Variants in HKDC1 observed in about 807,000 individuals in gnomAD.
HKDC1 encodes the protein hexokinase HKDC1.
In HKDC1, 66 loss-of-function variants were observed where a neutral mutation model predicts 96.6. The observed-to-expected ratio is 0.68, with a 90% CI of 0.56 to 0.84. The LOEUF is 0.84. HKDC1 is among the 40% of genes least tolerant of loss of function. HKDC1 has a pLI of 0.00. For synonymous variants in HKDC1, 466 were observed against 473.1 expected (o/e 0.98, Z 0.20); for missense variants, 1,211 against 1,208.1 (o/e 1.00, Z -0.04).
chr10:69,253,831 C>T (rs1441943110), intron 12 of HKDC1, among the ~76,000 whole-genome samples: 2 of 152,206 alleles, frequency 1.3e-5, no homozygotes, highest in East Asian at 3.8e-4. Context: ...GCTTCACAGA[C>T]AGACTCACCA....
In HKDC1 at chr10:69,265,629, T is replaced by C. The variant is rs1279145982; in HGVS notation, c.2417T>C (p.Leu806Pro). 2 of 1,613,792 alleles carry C rather than the reference T, an allele frequency of 1.2e-6. No homozygotes were observed. Among genetic ancestry groups the C allele is most frequent in the Non-Finnish European group, 1.7e-6 (2 of 1,179,890 alleles). Residue 806 changes from leucine to proline, a missense_variant, in exon 17 of 18, where the codon CTG (leucine) becomes CCG (proline). Physicochemically the swap from Leu to Pro is moderately conservative, Grantham distance 98. Coordinates refer to ENST00000354624, the MANE Select transcript of HKDC1 (RefSeq NM_025130.4). ...CAGGTCAGGAGGATTCTGCAGCAGC[T>C]GGGCCTGGACAGCACGTGTGAGGAC... Reference protein sequence around the residue: ...LLQVRRILQQLGLDSTCEDSI... With the variant: ...LLQVRRILQQPGLDSTCEDSI...
intron 16 of HKDC1, 59 bp from the exon 17 acceptor site, chr10:69,265,526 C>T: frequency 6.8e-7 from 1 of 1,468,606 alleles, no homozygotes; most frequent in Non-Finnish European, 9.5e-7. Flanking sequence ...GTGGGTCACA[C>T]TGGGCACATC....
At chr10:69,251,017 CAG>C (rs1843633883) in intron 12 of HKDC1, among the ~76,000 whole-genome samples, 1 of 150,464 alleles carries the variant, frequency 6.6e-6, no homozygotes, top group Non-Finnish European at 1.5e-5. Context: ...GCCATGTAAA[CAG>C]GGAATTACAA....
At chr10:69,251,279 A>G (rs1190141001) in intron 12 of HKDC1, among the ~76,000 whole-genome samples, 1 of 151,694 alleles carries the variant, frequency 6.6e-6, no homozygotes, top group Admixed American at 6.6e-5. Flanking sequence ...TATTTTTAGT[A>G]GAGATGGGGT....
chr10:69,240,720 C>A lies in HKDC1; in HGVS notation c.660C>A (p.Asp220Glu), dbSNP rs756481700. The change falls in exon 6 of 18, where the codon GAC becomes GAA. Residue 220 changes from aspartate (D) to glutamate (E), a missense_variant. By Grantham distance (45) the Asp-to-Glu change is conservative. Coordinates refer to ENST00000354624, the MANE Select transcript of HKDC1 (RefSeq NM_025130.4). ...TVGTMMTCAY[D>E]DPYCEVGVII... ...GGACCATGATGACCTGTGCCTATGACGACCCCTACTGCGAAGTTGGTGTCA... is the reference window on the plus strand; with the variant it reads ...GGACCATGATGACCTGTGCCTATGAAGACCCCTACTGCGAAGTTGGTGTCA... The A allele has an allele frequency of 2.0e-5, 32 of 1,613,858 alleles. No individual in the cohort carries two copies. Among genetic ancestry groups the A allele is most frequent in the Middle Eastern group, 3.3e-4 (2 of 6,080 alleles).
chr10:69,248,553 C>T lies in HKDC1; in HGVS notation c.1395C>T (p.Ala465=), dbSNP rs1334238647. Residue 465 remains alanine (A), a synonymous_variant, in exon 10 of 18, where the codon GCC becomes GCT. Coordinates refer to ENST00000354624, the MANE Select transcript of HKDC1 (RefSeq NM_025130.4). ...MVTAVASRVQ[A]QRKQIDRVLA... is the part of the protein sequence containing the mutation. ...CCGCGGTGGCCTCCCGCGTGCAGGC[C>T]CAGCGGAAGCAGATCGACAGGGTGC... The T allele has an allele frequency of 1.9e-6, 3 of 1,614,072 alleles. No homozygotes were observed. Among genetic ancestry groups the T allele is most frequent in the South Asian group, 1.1e-5 (1 of 91,080 alleles).
At chr10:69,253,189 G>A (rs2132367541) in intron 12 of HKDC1, among the ~76,000 whole-genome samples, 1 of 152,226 alleles carries the variant, frequency 6.6e-6, no homozygotes, top group South Asian at 2.1e-4. Context: ...CTAGACACTG[G>A]GCTAAGCTCT....
At chr10:69,242,311 G>A (rs866682569) in intron 6 of HKDC1, among the ~76,000 whole-genome samples, 1 of 151,438 alleles carries the variant, frequency 6.6e-6, no homozygotes, top group Non-Finnish European at 1.5e-5. Flanking sequence ...AACAGTGTCC[G>A]TGCATTTCTG....
chr10:69,240,797 G>A lies in HKDC1; in HGVS notation c.691+46G>A, dbSNP rs377078914. On this transcript the variant is annotated intron_variant, in intron 6 of 17. Transcript: ENST00000354624. ...TTTTGAGGGTAGGGGAGAAGGGACT[G>A]TTTGGGAGTTTCATTTCAGCGAGCT... The A allele has an allele frequency of 1.0e-4, 147 of 1,422,296 alleles. 1 individual carries two copies. In the African/African-American group the frequency reaches 1.9e-3, roughly 18 times the overall value. 88.1% of individuals were successfully genotyped at this position (1,422,296 alleles called of 1,614,324 possible). A position where few individuals can be genotyped will look rare whatever the true frequency, so the allele number is the denominator to read the frequency against.
At chr10:69,243,637 C>T (rs550526132) in intron 7 of HKDC1, among the ~76,000 whole-genome samples, 5 of 152,102 alleles carry the variant, frequency 3.3e-5, no homozygotes, top group South Asian at 2.1e-4. Context: ...GTTGGGACTA[C>T]GGGCATGGGC....
At chr10:69,251,763 CTTT>C (rs60120681) in intron 12 of HKDC1, among the ~76,000 whole-genome samples, 5 of 140,840 alleles carry the variant, frequency 3.6e-5, no homozygotes, top group African/African-American at 2.6e-5. Context: ...GTTTTCTTTT[CTTT>C]TTTTTTTTTT....
intron 15 of HKDC1, 22 bp downstream of exon 15, chr10:69,258,981 A>G (rs751666879): frequency 6.6e-7 from 1 of 1,516,084 alleles, no homozygotes; most frequent in Non-Finnish European, 8.8e-7. Flanking sequence ...GGATGTGTGC[A>G]TTTATGTGGG....
chr10:69,250,553 G>A lies in HKDC1; in HGVS notation c.1737G>A (p.Gln579=), dbSNP rs1406448920. ...TGEELFDHIV[Q]CIADFLDYMG... ...TGCAGCTCTTTGATCACATTGTGCA[G>A]TGCATCGCCGACTTCCTGGACTACA... Residue 579 remains glutamine, a synonymous_variant, in exon 12 of 18, where the codon CAG becomes CAA. Coordinates refer to ENST00000354624, the MANE Select transcript of HKDC1 (RefSeq NM_025130.4). The A allele has an allele frequency of 1.2e-6, 2 of 1,614,134 alleles. No homozygotes were observed. Among genetic ancestry groups the A allele is most frequent in the Non-Finnish European group, 1.7e-6 (2 of 1,180,016 alleles).
At chr10:69,236,851 C>CTTATAT (rs1179881415) in intron 4 of HKDC1, among the ~76,000 whole-genome samples, 4 of 151,840 alleles carry the variant, frequency 2.6e-5, no homozygotes, top group Admixed American at 1.3e-4. Context: ...GTCAAATATA[C>CTTATAT]TTATATTTTA....
intron 8 of HKDC1, 41 bp downstream of exon 8, chr10:69,246,275 A>T (rs1239308798): frequency 1.2e-6 from 2 of 1,605,374 alleles, no homozygotes; most frequent in East Asian, 4.5e-5. Flanking sequence ...GAGGGCTGGG[A>T]TGGGAGGCCC....
In HKDC1 at chr10:69,251,091, T is replaced by C. The variant is rs912343563; in HGVS notation, c.1836+439T>C. On this transcript the variant is annotated intron_variant, in intron 12 of 17. Transcript: ENST00000354624. The stretch of plus-strand genomic sequence containing the variant: ...CACATCACAAGAAATACATTTCTTT[T>C]TTTTTTTTTTTTTTTTTTTTGAGAC... Among the ~76,000 whole-genome samples, 6 of 83,418 alleles carry C rather than the reference T, an allele frequency of 7.2e-5. No homozygotes were observed. The South Asian group carries it at 1.3e-3, about 18-fold the overall frequency. The allele number at this position is 83,418 out of a possible 152,430, so 54.7% of individuals were successfully genotyped here.
intron 10 of HKDC1, among the ~76,000 whole-genome samples, chr10:69,249,626 G>C (rs1246574538): frequency 1.3e-5 from 2 of 152,182 alleles, no homozygotes; most frequent in African/African-American, 4.8e-5. Context: ...CTCCCGAGTA[G>C]CTGGGACTAC....
At position 69,250,603 on chromosome 10, in the gene HKDC1, C is replaced by A. The variant is rs200097243; in HGVS notation, c.1787C>A (p.Pro596His). 6.2e-7 allele frequency: 1 copy of A among 1,614,070 alleles called. No individual in the cohort carries two copies. The highest frequency in any genetic ancestry group is 1.7e-5 in the Admixed American group (1 of 60,018). ...DYMGLKGASL[P>H]LGFTFSFPCR... ...ATGGGCCTCAAGGGAGCCTCCCTAC[C>A]TTTGGGCTTCACATTCTCATTTCCC... Residue 596 changes from proline (P) to histidine (H), a missense_variant, in exon 12 of 18, where the codon CCT (proline) becomes CAT (histidine). Pro to His is a moderately conservative substitution (Grantham distance 77, BLOSUM62 -2). Transcript: ENST00000354624.
chr10:69,233,275 G>A lies in HKDC1; in HGVS notation c.495+142G>A, dbSNP rs1470501541. The A allele has an allele frequency of 6.1e-6, 7 of 1,144,780 alleles. No homozygotes were observed. The East Asian group carries it at 1.4e-4, about 23-fold the overall frequency. 70.9% of individuals were successfully genotyped at this position (1,144,780 alleles called of 1,614,324 possible). A position where few individuals can be genotyped will look rare whatever the true frequency, so the allele number is the denominator to read the frequency against. On this transcript the variant is annotated intron_variant, in intron 4 of 17. Transcript: ENST00000354624. ...TTTTCTTTTTGTTCATGATGAGGTGGCAGCGTGAGGCAGAGAACTTGTTAA... is the reference window on the plus strand; with the variant it reads ...TTTTCTTTTTGTTCATGATGAGGTGACAGCGTGAGGCAGAGAACTTGTTAA...
Sources: allele counts gnomAD v4.1 joint callset (sites outside exome capture counted in the v4.1 genomes callset), GRCh38; gene constraint gnomAD v4.1.1; transcripts MANE v1.5; gene names NCBI Gene and HGNC (gene_info 2026-07-23, HGNC 2026-07-21).